AMZ1: variants seen among roughly 807,000 people sequenced by gnomAD.
AMZ1 encodes archaemetzincin-1.
A neutral mutation model predicts 29.9 loss-of-function variants in AMZ1; 39 were observed. That is an observed-to-expected ratio of 1.30 (90% CI 1.01 to 1.70). The LOEUF (loss-of-function observed/expected upper bound fraction) is 1.70, where lower values mean the gene tolerates loss of function less well. Among genes scored for constraint, AMZ1 ranks in the 40% most tolerant of loss-of-function variants. The probability of loss-of-function intolerance (pLI) is 0.00; values close to 1 mark genes in which losing one functional copy is unlikely to be tolerated. For missense variants in AMZ1, 1,041 were observed against 680.6 expected (o/e 1.53, Z -5.89); for synonymous variants, 458 against 304.0 (o/e 1.51, Z -5.27).
chr7:2,762,500 T>G (rs772944460), upstream of AMZ1: 3 of 853,428 alleles, frequency 3.5e-6, no homozygotes, highest in Non-Finnish European at 5.2e-6. Context: ...GAGGTGTGAG[T>G]AGCCTAACTG....
chr7:2,700,816 T>C, intron 2 of AMZ1, 61 bp downstream of exon 2: 3 of 1,564,786 alleles, frequency 1.9e-6, no homozygotes, highest in African/African-American at 2.7e-5. Flanking sequence ...ATAGCACAAG[T>C]GGGGGATGTC....
chr7:2,734,491 G>A (rs73047387), intron 4 of AMZ1, among the ~76,000 whole-genome samples: 14,709 of 152,204 alleles, frequency 0.097, 932 homozygotes, highest in Middle Eastern at 0.17. Context: ...CATGTGGCGA[G>A]CTGACGCAGG....
chr7:2,744,523 C>G (rs960896294), intron 4 of AMZ1, among the ~76,000 whole-genome samples: 1 of 152,156 alleles, frequency 6.6e-6, no homozygotes, highest in Admixed American at 6.5e-5. Flanking sequence ...ATCTGTACGT[C>G]ACCATCATCA....
downstream of AMZ1, among the ~76,000 whole-genome samples, chr7:2,721,950 C>A (rs1258889533): frequency 1.3e-5 from 2 of 152,366 alleles, no homozygotes; most frequent in South Asian, 2.1e-4. Flanking sequence ...TATTCGTAAA[C>A]CAAGTCCGGT....
chr7:2,760,209 C>T (rs548902800), upstream of AMZ1: 4 of 152,316 alleles, frequency 2.6e-5, no homozygotes, highest in African/African-American at 9.6e-5. Context: ...AAGACACACC[C>T]AACGCGTGCA....
At position 2,716,680 on chromosome 7, in the gene AMZ1, G is replaced by C. The variant is rs1385666739; in HGVS notation, c.*3802G>C. Among the ~76,000 whole-genome samples, 1 of 152,194 alleles carries C rather than the reference G, an allele frequency of 6.6e-6. No individual in the cohort carries two copies. Among genetic ancestry groups the C allele is most frequent in the African/African-American group, 2.4e-5 (1 of 41,442 alleles). ...AGACCCACCAGGCAGGGACGGCCAG[G>C]CCTCGGAGAGAGGGACCGGCTGCCC... On this transcript the variant is annotated 3_prime_UTR_variant, in exon 7 of 7. Coordinates refer to ENST00000683327, the MANE Select transcript of AMZ1 (RefSeq NM_001384743.1).
rs756797640 is a variant in AMZ1 at position 2,702,769 on chromosome 7, A to C, written c.352A>C (p.Ser118Arg). 2.5e-5 allele frequency: 39 copies of C among 1,543,184 alleles called. No homozygotes were observed. The highest frequency in any genetic ancestry group is 3.2e-5 in the Non-Finnish European group (37 of 1,147,194). ...VGSSLLHQLC[S>R]CTEAFFLGLR... ...AAGCTCCCTGCTGCACCAGCTGTGC[A>C]GCTGCACAGAGGCCTTCTTCCTGGG... The change falls in exon 3 of 7, where the codon AGC becomes CGC. Residue 118 changes from serine (S) to arginine (R), a missense_variant. Transcript: ENST00000683327.
chr7:2,725,371 C>T (rs926339819), intron 4 of AMZ1, among the ~76,000 whole-genome samples: 1 of 152,240 alleles, frequency 6.6e-6, no homozygotes, highest in African/African-American at 2.4e-5. Context: ...GCGAAGGATG[C>T]TTCCAGGGAG....
intron 4 of AMZ1, among the ~76,000 whole-genome samples, chr7:2,756,971 G>A (rs1423043221): frequency 6.6e-6 from 1 of 152,080 alleles, no homozygotes; most frequent in African/African-American, 2.4e-5. Flanking sequence ...CTACTCAGGA[G>A]GCTGAAGTGG....
At chr7:2,682,887 C>T (rs1475970202) in intron 1 of AMZ1, among the ~76,000 whole-genome samples, 2 of 152,248 alleles carry the variant, frequency 1.3e-5, no homozygotes, top group African/African-American at 2.4e-5. Context: ...CCACCTGGCA[C>T]ACCCCCATCT....
Position 2,708,647 on chromosome 7 carries a change from C to G in AMZ1, c.532C>G (p.Leu178Val), listed in dbSNP as rs1788523513. Residue 178 changes from leucine (L) to valine (V), a missense_variant, in exon 4 of 7, where the codon CTC becomes GTC. By Grantham distance (32) the Leu-to-Val change is conservative. Transcript: ENST00000683327. ...KPGDALCVLG[L>V]TLSDLYPHEA... The stretch of plus-strand genomic sequence containing the variant: ...AGGGGACGCGCTGTGTGTGCTGGGC[C>G]TCACACTGTCTGACCTGTACCCCCA... 1 of 1,613,110 alleles carries G rather than the reference C, an allele frequency of 6.2e-7. No homozygotes were observed. The highest frequency in any genetic ancestry group is 8.5e-7 in the Non-Finnish European group (1 of 1,180,012).
intron 1 of AMZ1, among the ~76,000 whole-genome samples, chr7:2,689,686 G>A (rs547539581): frequency 1.3e-5 from 2 of 152,364 alleles, no homozygotes; most frequent in Admixed American, 6.5e-5. Context: ...CTGCGGCTCC[G>A]TGTGTGGCTT....
upstream of AMZ1, among the ~76,000 whole-genome samples, chr7:2,684,872 C>CTTTTT (rs60735391): frequency 7.5e-6 from 1 of 132,638 alleles, no homozygotes; most frequent in Non-Finnish European, 1.6e-5. Context: ...CACATAATTG[C>CTTTTT]TTTTTTTTTT....
chr7:2,749,544 G>C (rs1247243613), intron 4 of AMZ1, among the ~76,000 whole-genome samples: 1 of 151,792 alleles, frequency 6.6e-6, no homozygotes, highest in East Asian at 1.9e-4. Context: ...ATAGCATTAG[G>C]AGATATACCT....
rs1302845172 is a variant in AMZ1 at position 2,708,563 on chromosome 7, C to G, written c.473-25C>G. 4.3e-6 allele frequency: 7 copies of G among 1,610,694 alleles called. No homozygotes were observed. The South Asian group carries it at 4.4e-5, about 10-fold the overall frequency. On this transcript the variant is annotated intron_variant, in intron 3 of 6. Transcript: ENST00000683327. The stretch of plus-strand genomic sequence containing the variant: ...GGGGGTCCCCGGCTGCCTCCTGACC[C>G]CATCCTCTGGCCCTCTCCCCGCAGA...
intron 4 of AMZ1, among the ~76,000 whole-genome samples, chr7:2,727,031 C>G (rs577158300): frequency 6.6e-6 from 1 of 152,308 alleles, no homozygotes; most frequent in African/African-American, 2.4e-5. Flanking sequence ...GCTGCCATGC[C>G]ATGCTTTAAA....
rs867022974 is a variant in AMZ1 at position 2,691,260 on chromosome 7, C to T, written c.-219+2964C>T. On this transcript the variant is annotated intron_variant, in intron 1 of 6. Coordinates refer to ENST00000683327, the MANE Select transcript of AMZ1 (RefSeq NM_001384743.1). ...GTGGGTGTGGGTGCTGGCAGGAAAG[C>T]CCCCTCAAGAGTAGGGGAAGGTCCG... Among the ~76,000 whole-genome samples the T allele has an allele frequency of 2.7e-5, 4 of 147,576 alleles. 1 individual carries two copies. Among genetic ancestry groups the T allele is most frequent in the African/African-American group, 1.1e-4 (4 of 37,616 alleles).
Position 2,731,730 on chromosome 7 carries a change from T to C in AMZ1, n.550+21914T>C. ...TGGCTTTCCTAGCCAGCAGGATATC[T>C]TGCTTACTAGGAAAGTAATTCTGTA... On this transcript the variant is annotated intron_variant and non_coding_transcript_variant, in intron 4 of 4. Transcript: ENST00000489665. The surrounding 1 kb of genome is among the most constrained non-coding windows in gnomAD (Gnocchi z 6.0). 2 of 1,541,212 alleles carry C rather than the reference T, an allele frequency of 1.3e-6. No homozygotes were observed. The highest frequency in any genetic ancestry group is 1.2e-5 in the South Asian group (1 of 81,686).
upstream of AMZ1, among the ~76,000 whole-genome samples, chr7:2,760,821 CAG>C (rs1317976042): frequency 2.0e-5 from 3 of 152,164 alleles, no homozygotes; most frequent in African/African-American, 7.2e-5. Context: ...ACCAAGTCAC[CAG>C]AGGTTAGCTT....
Sources: allele counts gnomAD v4.1 joint callset (sites outside exome capture counted in the v4.1 genomes callset), GRCh38; gene constraint gnomAD v4.1.1; non-coding constraint Gnocchi (gnomAD v3.1); transcripts MANE v1.5; gene names NCBI Gene and HGNC (gene_info 2026-07-23, HGNC 2026-07-21).